The following MYBBP1A variants were observed in gnomAD, a reference collection of about 807,000 sequenced individuals.
MYBBP1A encodes the protein MYB binding protein 1a, also known as myb-binding protein 1A.
In MYBBP1A, 147 loss-of-function variants were observed where a neutral mutation model predicts 136.3. That is an observed-to-expected ratio of 1.08 (90% CI 0.94 to 1.24). The LOEUF (loss-of-function observed/expected upper bound fraction) is 1.24. Among genes scored for constraint, MYBBP1A ranks in the 50% most tolerant of loss-of-function variants. MYBBP1A has a pLI of 0.00. For missense variants in MYBBP1A, 2,060 were observed against 1,727.4 expected, an observed-to-expected ratio of 1.19 and a Z score of -3.41; for synonymous variants, 947 against 735.8, an observed-to-expected ratio of 1.29 and a Z score of -4.65.
intron 13 of MYBBP1A, among the ~76,000 whole-genome samples, chr17:4,547,189 C>T (rs867417294): frequency 6.6e-6 from 1 of 152,078 alleles, no homozygotes. Context: ...ATTACAGGTG[C>T]GAGCCCCGAG....
At chr17:4,543,199 A>G (rs763243275) in intron 19 of MYBBP1A, 34 bp from the exon 20 acceptor site, 3 of 1,568,024 alleles carry the variant, frequency 1.9e-6, no homozygotes, top group African/African-American at 2.7e-5. Flanking sequence ...TGGTCAGAAC[A>G]TTCTCGGTCC....
intron 13 of MYBBP1A, among the ~76,000 whole-genome samples, chr17:4,547,191 A>C (rs1185803165): frequency 1.3e-5 from 2 of 151,834 alleles, no homozygotes; most frequent in African/African-American, 4.8e-5. Context: ...TACAGGTGCG[A>C]GCCCCGAGCC....
rs1907897968 is a variant in MYBBP1A, at chr17:4,554,986, A to G, written c.199-30T>C. 2.5e-6 allele frequency: 4 copies of G among 1,611,956 alleles called. No individual in the cohort carries two copies. The African/African-American group carries it at 4.0e-5, about 16-fold the overall frequency. On this transcript the variant is annotated intron_variant, in intron 1 of 25. Transcript: ENST00000254718. ...GGAACCAAGCACACCCTCGTGTTCA[A>G]TGGTGACAACAAGGTGCACGCCCCC...
intron 17 of MYBBP1A, 38 bp downstream of exon 17, chr17:4,544,988 C>CCGG: frequency 3.4e-6 from 5 of 1,463,920 alleles, no homozygotes; most frequent in Non-Finnish European, 4.6e-6. Context: ...ACACCCGAGC[C>CCGG]CTCCCCGGCC....
rs765072965 is a variant in MYBBP1A, at chr17:4,542,656, A to T, written c.2978T>A (p.Leu993His). The T allele has an allele frequency of 6.2e-7, 1 of 1,613,882 alleles. No homozygotes were observed. The change falls in exon 21 of 26, where the codon CTC becomes CAC. Residue 993 changes from leucine (L) to histidine (H), a missense_variant. By Grantham distance (99) the Leu-to-His change is moderately conservative. Transcript: ENST00000254718. ...GAGGCTGAGGAACATGGGAACTGTG[A>T]GGGGGCTGTTGCGCTTGGTCAGGAA... Reference protein sequence around the residue: ...SSFLTKRNSPLTVPMFLSLFS... With the variant: ...SSFLTKRNSPHTVPMFLSLFS...
In MYBBP1A at chr17:4,544,838, G is replaced by T; in HGVS notation, c.2394C>A (p.Ala798=). ...GGGCCTGGATACGCAGCTTCTGCTC[G>T]GCAAAGAGGCTGGCGAGGCTCTGGT... The part of the protein sequence containing the change: ...ALDQSLASLF[A]EQKLRIQARR... The change falls in exon 18 of 26, where the codon GCC becomes GCA. Residue 798 remains alanine (A), a synonymous_variant. Transcript: ENST00000254718. 2 of 1,607,824 alleles carry T rather than the reference G, an allele frequency of 1.2e-6. No homozygotes were observed. Among genetic ancestry groups the T allele is most frequent in the Non-Finnish European group, 1.7e-6 (2 of 1,177,618 alleles).
In MYBBP1A at chr17:4,552,245, C is replaced by A. The variant is rs765544127; in HGVS notation, c.785G>T (p.Arg262Leu). Reference protein sequence around the residue: ...KMAASSVKKDRKLPAIALDLL... With the variant: ...KMAASSVKKDLKLPAIALDLL... The stretch of plus-strand genomic sequence containing the variant: ...GTCCAGAGCAATGGCGGGCAGCTTG[C>A]GGTCCTTCTTCACAGAGGAGGCGGC... The change falls in exon 7 of 26, where the codon CGC (arginine) becomes CTC (leucine). Residue 262 changes from arginine (R) to leucine (L), a missense_variant. Physicochemically the swap from Arg to Leu is moderately radical, Grantham distance 102. Coordinates refer to ENST00000254718, the MANE Select transcript of MYBBP1A (RefSeq NM_014520.4). This position sits in a 1 kb window ranked among gnomAD's most constrained non-coding sequence, Gnocchi z 4.7. The A allele has an allele frequency of 1.2e-6, 2 of 1,614,182 alleles. No homozygotes were observed. The highest frequency in any genetic ancestry group is 1.7e-6 in the Non-Finnish European group (2 of 1,180,048).
chr17:4,546,205 G>A lies in MYBBP1A; in HGVS notation c.1825-263C>T, dbSNP rs865842845. On this transcript the variant is annotated intron_variant, in intron 13 of 25. Coordinates refer to ENST00000254718, the MANE Select transcript of MYBBP1A (RefSeq NM_014520.4). The stretch of plus-strand genomic sequence containing the variant: ...CTGATCTCGGCTCACCACAACTTCT[G>A]CCTCCCAGGTTCAAGCCATTCTCCT... 2.0e-5 allele frequency among the ~76,000 whole-genome samples: 3 copies of A among 152,284 alleles called. 1 individual carries two copies. Among genetic ancestry groups the A allele is most frequent in the Non-Finnish European group, 4.4e-5 (3 of 68,034 alleles).
intron 10 of MYBBP1A, 23 bp downstream of exon 10, chr17:4,549,309 T>C: frequency 6.2e-7 from 1 of 1,604,336 alleles, no homozygotes; most frequent in Non-Finnish European, 8.5e-7. Context: ...CATGGGAAGC[T>C]GGGAATCCAG....
At position 4,555,353 on chromosome 17, in the gene MYBBP1A, A is replaced by G. The variant is rs762922274; in HGVS notation, c.-29T>C. 2.1e-5 allele frequency: 33 copies of G among 1,573,966 alleles called. No individual in the cohort carries two copies. In the South Asian group the frequency reaches 3.7e-4, roughly 18 times the overall value. Reference sequence around the variant, plus strand: ...CGCCACACTCACCGAAACACGAAACACGTGTGCTCCGGCCCCAGCCGCTTC... The same window carrying G: ...CGCCACACTCACCGAAACACGAAACGCGTGTGCTCCGGCCCCAGCCGCTTC... On this transcript the variant is annotated 5_prime_UTR_variant, in exon 1 of 26. Coordinates refer to ENST00000254718, the MANE Select transcript of MYBBP1A (RefSeq NM_014520.4).
rs755542622 is a variant in MYBBP1A at position 4,545,156 on chromosome 17, T to A, written c.2180A>T (p.Glu727Val). Residue 727 changes from glutamate to valine, a missense_variant, in exon 17 of 26, where the codon GAG becomes GTG. Physicochemically the swap from Glu to Val is moderately radical, Grantham distance 121. Coordinates refer to ENST00000254718, the MANE Select transcript of MYBBP1A (RefSeq NM_014520.4). ...TTCACTCTCTGAGCTTCTGTTGTCC[T>A]CACCTTCCTCGCTCTTGTCCTGTGT... ...KGAEDKSEEG[E>V]DNRSSESEEE... 7 of 1,613,284 alleles carry A rather than the reference T, an allele frequency of 4.3e-6. No homozygotes were observed. The Admixed American group carries it at 1.2e-4, about 27-fold the overall frequency.
chr17:4,547,871 C>T (rs925810220), intron 13 of MYBBP1A, 87 bp downstream of exon 13: 11 of 1,187,194 alleles, frequency 9.3e-6, no homozygotes, highest in East Asian at 2.6e-5. Flanking sequence ...CCTGGAAACC[C>T]GCACAGCCCT....
intron 13 of MYBBP1A, among the ~76,000 whole-genome samples, chr17:4,546,789 A>C (rs1907055191): frequency 1.3e-5 from 2 of 152,150 alleles, no homozygotes; most frequent in South Asian, 4.1e-4. Context: ...TTCCCCTCAT[A>C]ATGCAGTCGG....
chr17:4,551,780 G>T, intron 8 of MYBBP1A, 100 bp downstream of exon 8: 1 of 1,023,640 alleles, frequency 9.8e-7, no homozygotes, highest in Non-Finnish European at 1.5e-6. Context: ...GACACCCATA[G>T]CTCTAGCCAA....
At chr17:4,543,354 C>G in intron 19 of MYBBP1A, 189 bp from the exon 20 acceptor site, 1 of 764,842 alleles carries the variant, frequency 1.3e-6, no homozygotes, top group East Asian at 2.7e-5. Flanking sequence ...GCTCAGAGTG[C>G]TGGGGTGACA....
chr17:4,550,755 G>C (rs1012307341), intron 8 of MYBBP1A, among the ~76,000 whole-genome samples: 2 of 152,250 alleles, frequency 1.3e-5, no homozygotes, highest in African/African-American at 4.8e-5. Context: ...CAAAGCCCAC[G>C]CTGCCAATTC....
chr17:4,551,766 A>T, intron 8 of MYBBP1A, 114 bp downstream of exon 8: 5 of 882,130 alleles, frequency 5.7e-6, no homozygotes, highest in Admixed American at 4.1e-5. Flanking sequence ...ACCCAGACGG[A>T]GGGGACACCC....
intron 25 of MYBBP1A, among the ~76,000 whole-genome samples, 175 bp from the exon 26 acceptor site, chr17:4,540,142 C>T (rs541286200): frequency 2.1e-4 from 31 of 150,982 alleles, no homozygotes; most frequent in South Asian, 4.2e-4. Context: ...CTGGGTCCTG[C>T]GAGGGTCCTG....
In MYBBP1A at chr17:4,554,191, T is replaced by C. The variant is rs1186005485; in HGVS notation, c.378+4A>G. 5.0e-6 allele frequency: 8 copies of C among 1,613,936 alleles called. No individual in the cohort carries two copies. The highest frequency in any genetic ancestry group is 1.6e-4 in the Middle Eastern group (1 of 6,062). ...GCTGCTGACCTCCCTGGCCCCACTC[T>C]CACCTTCTTCACCTGATGCAGGTCA... On this transcript the variant is annotated splice_donor_region_variant and intron_variant, in intron 3 of 25. Coordinates refer to ENST00000254718, the MANE Select transcript of MYBBP1A (RefSeq NM_014520.4).
Sources: allele counts gnomAD v4.1 joint callset (sites outside exome capture counted in the v4.1 genomes callset), GRCh38; gene constraint gnomAD v4.1.1; non-coding constraint Gnocchi (gnomAD v3.1); transcripts MANE v1.5; gene names NCBI Gene and HGNC (gene_info 2026-07-23, HGNC 2026-07-21).